The following PTPRD variants were observed in gnomAD, a reference collection of about 807,000 sequenced individuals.
The protein encoded by PTPRD is receptor-type tyrosine-protein phosphatase delta.
Under a neutral mutation model 214.5 loss-of-function variants are expected in PTPRD, and 34 were observed. The observed-to-expected ratio is 0.16, with a 90% CI of 0.12 to 0.21. The LOEUF is 0.21. PTPRD is among the 10% of genes least tolerant of loss of function. The pLI, the probability that PTPRD is intolerant of heterozygous loss-of-function variation, is 1.00. For missense variants in PTPRD, 2,545 were observed against 2,398.7 expected (o/e 1.06, Z -1.27); for synonymous variants, 1,128 against 845.7 (o/e 1.33, Z -5.79).
chr9:9,364,236 G>C (rs544188205), intron 9 of PTPRD, among the ~76,000 whole-genome samples: 1 of 151,480 alleles, frequency 6.6e-6, no homozygotes, highest in Non-Finnish European at 1.5e-5. Context: ...TGCACATAAA[G>C]TCTGTGTAGA....
rs1436547413 is a variant in PTPRD at position 10,171,750 on chromosome 9, C to T, written c.-544-137960G>A. 4.6e-5 allele frequency among the ~76,000 whole-genome samples: 7 copies of T among 152,214 alleles called. No homozygotes were observed. The East Asian group carries it at 1.4e-3, about 30-fold the overall frequency. ...GTGTTAACCAGGATGGTCTCGATCT[C>T]CTGACCTTGTGATCCACCCGCCGTG... On this transcript the variant is annotated intron_variant, in intron 3 of 45. Transcript: ENST00000381196.
At chr9:9,161,792 C>G (rs893752497) in intron 10 of PTPRD, among the ~76,000 whole-genome samples, 1 of 151,916 alleles carries the variant, frequency 6.6e-6, no homozygotes. Flanking sequence ...ATTTTTATCT[C>G]TAAATGGTAA....
At chr9:8,766,645 C>A (rs763789199) in intron 11 of PTPRD, among the ~76,000 whole-genome samples, 4 of 152,170 alleles carry the variant, frequency 2.6e-5, no homozygotes, top group African/African-American at 4.8e-5. Context: ...ACACTTCTTA[C>A]AATTTTCACT....
Position 8,349,171 on chromosome 9 carries a change from T to C in PTPRD, c.4662-7193A>G, listed in dbSNP as rs571411747. ...TTCCTTTGATACATGTTTACAAAGA[T>C]AAAGTAATGCTTATAATTTGATGAG... On this transcript the variant is annotated intron_variant, in intron 39 of 45. Coordinates refer to ENST00000381196, the MANE Select transcript of PTPRD (RefSeq NM_002839.4). Among the ~76,000 whole-genome samples, 442 of 152,322 alleles carry C rather than the reference T, an allele frequency of 2.9e-3. 2 individuals carry two copies. Among genetic ancestry groups the C allele is most frequent in the Non-Finnish European group, 4.8e-3 (324 of 68,014 alleles).
At chr9:9,465,911 T>C (rs12338165) in intron 8 of PTPRD, among the ~76,000 whole-genome samples, 14,397 of 151,896 alleles carry the variant, frequency 0.095, 741 homozygotes, top group African/African-American at 0.11. Context: ...GCCACAACCA[T>C]TGCAATACAT....
chr9:9,840,767 A>AGAGC (rs2058110179), intron 5 of PTPRD, among the ~76,000 whole-genome samples: 1 of 12,362 alleles, frequency 8.1e-5, no homozygotes, highest in East Asian at 9.8e-3. Context: ...GTTTCAAAAA[A>AGAGC]AAAAAAAAAA....
At chr9:9,922,440 AG>A (rs2082822218) in intron 5 of PTPRD, among the ~76,000 whole-genome samples, 1 of 152,086 alleles carries the variant, frequency 6.6e-6, no homozygotes, top group Non-Finnish European at 1.5e-5. Flanking sequence ...ATATTACCCA[AG>A]CCCCCATTCT....
At chr9:10,081,665 T>C (rs1188973558) in intron 3 of PTPRD, among the ~76,000 whole-genome samples, 2 of 152,068 alleles carry the variant, frequency 1.3e-5, no homozygotes, top group Non-Finnish European at 2.9e-5. Flanking sequence ...AACCACCCAG[T>C]CTATGGTGCT....
At chr9:9,928,007 T>A (rs909714624) in intron 5 of PTPRD, among the ~76,000 whole-genome samples, 2 of 152,184 alleles carry the variant, frequency 1.3e-5, no homozygotes, top group African/African-American at 4.8e-5. Context: ...TATAGGCATA[T>A]ATTCTTAAAT....
At chr9:9,881,018 T>A (rs1036030043) in intron 5 of PTPRD, among the ~76,000 whole-genome samples, 3 of 152,184 alleles carry the variant, frequency 2.0e-5, no homozygotes, top group East Asian at 1.9e-4. Flanking sequence ...AAACCCTGCA[T>A]TGAAAAACAT....
chr9:10,132,327 T>C (rs1031933173), intron 3 of PTPRD, among the ~76,000 whole-genome samples: 2 of 152,116 alleles, frequency 1.3e-5, no homozygotes, highest in Admixed American at 1.3e-4. Flanking sequence ...CTAAGGCAAA[T>C]AGATTCTCAG....
chr9:9,990,656 G>A (rs1234397125), intron 4 of PTPRD, among the ~76,000 whole-genome samples: 2 of 152,234 alleles, frequency 1.3e-5, no homozygotes, highest in Non-Finnish European at 2.9e-5. Context: ...CCTGGGCTGG[G>A]ATGACTGTGA....
intron 12 of PTPRD, among the ~76,000 whole-genome samples, chr9:8,715,984 T>A (rs554910503): frequency 3.1e-4 from 47 of 152,356 alleles, no homozygotes; most frequent in African/African-American, 9.1e-4. Flanking sequence ...GAAATGCTAA[T>A]TCACTGGCTG....
intron 34 of PTPRD, chr9:8,437,216 C>T (rs964196594): frequency 2.0e-6 from 3 of 1,520,012 alleles, no homozygotes; most frequent in Non-Finnish European, 2.6e-6. Context: ...TGAAGGTTAC[C>T]AGGGTAACCG....
intron 11 of PTPRD, among the ~76,000 whole-genome samples, chr9:9,016,226 C>T (rs2099534476): frequency 6.6e-6 from 1 of 152,100 alleles, no homozygotes; most frequent in African/African-American, 2.4e-5. Context: ...GTTTTCTCCA[C>T]ACCAGTGTGG....
chr9:9,162,178 T>A (rs2099890868), intron 10 of PTPRD, among the ~76,000 whole-genome samples: 1 of 152,090 alleles, frequency 6.6e-6, no homozygotes. Context: ...TGCACCACGG[T>A]TGCTAAACTT....
At chr9:8,663,553 C>T (rs968830392) in intron 12 of PTPRD, among the ~76,000 whole-genome samples, 9 of 152,100 alleles carry the variant, frequency 5.9e-5, no homozygotes, top group Middle Eastern at 3.4e-3. Flanking sequence ...TGCAGTGGTG[C>T]GATCTTGGCT....
intron 44 of PTPRD, among the ~76,000 whole-genome samples, chr9:8,327,863 C>G (rs189201076): frequency 2.2e-4 from 34 of 152,250 alleles, no homozygotes; most frequent in African/African-American, 8.2e-4. Context: ...TTTCCATTTG[C>G]TTGGTAAATA....
chr9:9,365,784 G>A (rs961436128), intron 9 of PTPRD, among the ~76,000 whole-genome samples: 1 of 151,218 alleles, frequency 6.6e-6, no homozygotes, highest in Admixed American at 6.6e-5. Flanking sequence ...CTCTCAAACA[G>A]ACATTTTTCA....
Sources: allele counts gnomAD v4.1 joint callset (sites outside exome capture counted in the v4.1 genomes callset), GRCh38; gene constraint gnomAD v4.1.1; transcripts MANE v1.5; gene names NCBI Gene and HGNC (gene_info 2026-07-23, HGNC 2026-07-21).